Variants in FAAH2 observed in about 807,000 individuals in gnomAD.
FAAH2 encodes fatty-acid amide hydrolase 2.
Under a neutral mutation model 36.9 loss-of-function variants are expected in FAAH2, and 60 were observed. The observed-to-expected ratio is 1.63, with a 90% CI of 1.32 to 2.02. The LOEUF (loss-of-function observed/expected upper bound fraction) is 2.02, where lower values mean the gene tolerates loss of function less well. FAAH2 is among the 30% of genes most tolerant of loss of function. The pLI is 0.00. For synonymous variants in FAAH2, 214 were observed against 143.8 expected (o/e 1.49, Z -3.49); for missense variants, 689 against 397.5 (o/e 1.73, Z -6.23).
At chrX:57,340,623 A>G (rs995905587) in intron 4 of FAAH2, among the ~76,000 whole-genome samples, 1 of 112,082 alleles carries the variant, frequency 8.9e-6, no homozygotes, top group African/African-American at 3.2e-5. Context: ...GAAAAGGAAC[A>G]AGATCATGTC....
chrX:57,366,781 G>A (rs897541540), intron 5 of FAAH2, among the ~76,000 whole-genome samples: 5 of 112,457 alleles, frequency 4.4e-5, no homozygotes, highest in African/African-American at 1.6e-4. Flanking sequence ...CTGTAGCTAG[G>A]CAGGACCCTG....
intron 10 of FAAH2, among the ~76,000 whole-genome samples, chrX:57,477,877 G>C (rs761033297): frequency 8.3e-4 from 93 of 111,756 alleles, no homozygotes; most frequent in African/African-American, 2.9e-3. Context: ...TTTTCTTAAT[G>C]CAGTCTATCA....
the FAAH2 span, chrX:57,135,547 A>G: frequency 2.3e-6 from 1 of 441,502 alleles, no homozygotes; most frequent in Non-Finnish European, 3.7e-6. Flanking sequence ...TTCTAGCTGA[A>G]CTTTATTCAC....
At chrX:57,468,625 G>A (rs1351931094) in intron 10 of FAAH2, among the ~76,000 whole-genome samples, 1 of 112,041 alleles carries the variant, frequency 8.9e-6, no homozygotes, top group Non-Finnish European at 1.9e-5. Context: ...CGTCTGACTG[G>A]TGTACCTGAA....
chrX:57,384,704 G>A (rs1292939933), intron 7 of FAAH2, among the ~76,000 whole-genome samples: 1 of 111,222 alleles, frequency 9.0e-6, no homozygotes, highest in Admixed American at 9.5e-5. Context: ...TGGAGAAATA[G>A]GAACACTTTT....
intron 10 of FAAH2, among the ~76,000 whole-genome samples, chrX:57,453,781 C>A (rs1602717321): frequency 8.9e-6 from 1 of 112,081 alleles, no homozygotes; most frequent in South Asian, 3.8e-4. Context: ...CATCCCACAG[C>A]TCTTAGATGA....
intron 7 of FAAH2, among the ~76,000 whole-genome samples, chrX:57,427,341 T>G (rs1429458303): frequency 9.0e-6 from 1 of 110,925 alleles, no homozygotes; most frequent in South Asian, 3.8e-4. Flanking sequence ...CCAGTCCTAC[T>G]GAAACAATTT....
At chrX:57,399,427 T>A (rs2055380477) in intron 7 of FAAH2, among the ~76,000 whole-genome samples, 1 of 112,126 alleles carries the variant, frequency 8.9e-6, no homozygotes, top group South Asian at 3.7e-4. Flanking sequence ...TGGCTAGCCA[T>A]CCTGAGGGGA....
chrX:57,276,797 C>T, the FAAH2 span, among the ~76,000 whole-genome samples: 3 of 111,657 alleles, frequency 2.7e-5, no homozygotes, highest in African/African-American at 3.3e-5. Flanking sequence ...CTATAAGCAC[C>T]GGTACACAAA....
At chrX:57,203,519 T>C in the FAAH2 span, among the ~76,000 whole-genome samples, 10 of 111,817 alleles carry the variant, frequency 8.9e-5, no homozygotes, top group African/African-American at 2.0e-4. Flanking sequence ...TGAGGACCTG[T>C]TCCCAATATG....
chrX:57,349,298 GATATACATACATACATATATACA>G (rs2053928602), intron 5 of FAAH2, among the ~76,000 whole-genome samples: 1 of 92,894 alleles, frequency 1.1e-5, no homozygotes, highest in African/African-American at 3.9e-5. Flanking sequence ...TATATACACA[GATATACATACATACATATATACA>G]TATATACACA....
At chrX:57,274,448 A>G in the FAAH2 span, among the ~76,000 whole-genome samples, 1 of 112,091 alleles carries the variant, frequency 8.9e-6, no homozygotes, top group Non-Finnish European at 1.9e-5. Context: ...CAGAGACACA[A>G]CAAAAAGAGA....
intron 10 of FAAH2, among the ~76,000 whole-genome samples, chrX:57,482,421 A>G (rs749033938): frequency 6.4e-4 from 71 of 111,659 alleles, no homozygotes; most frequent in African/African-American, 2.2e-3. Context: ...CAGATTGTGA[A>G]AACCATGGGA....
chrX:57,482,472 C>T (rs1290108915), intron 10 of FAAH2, among the ~76,000 whole-genome samples: 1 of 111,122 alleles, frequency 9.0e-6, no homozygotes, highest in African/African-American at 3.3e-5. Context: ...TCCTTCATAG[C>T]TTCCTTTGGC....
intron 10 of FAAH2, among the ~76,000 whole-genome samples, chrX:57,453,298 T>G (rs1397901298): frequency 8.9e-6 from 1 of 112,503 alleles, no homozygotes; most frequent in Non-Finnish European, 1.9e-5. Flanking sequence ...GCATCTAGTT[T>G]TCAACAAAAA....
chrX:57,310,867 T>C (rs1028490475), intron 3 of FAAH2, 138 bp downstream of exon 3: 6 of 651,398 alleles, frequency 9.2e-6, no homozygotes, highest in Non-Finnish European at 4.4e-6. Context: ...AGAGGAAATA[T>C]TCAGCAAGTT....
chrX:57,448,839 G>A (rs2056732806), intron 10 of FAAH2, 121 bp downstream of exon 10: 1 of 678,439 alleles, frequency 1.5e-6, no homozygotes. Flanking sequence ...TAAAAGTGCT[G>A]TGTGATTGAA....
chrX:57,142,783 C>T, the FAAH2 span, among the ~76,000 whole-genome samples: 1 of 111,528 alleles, frequency 9.0e-6, no homozygotes, highest in African/African-American at 3.3e-5. Context: ...TATCTCTGTG[C>T]ACTGGTGCTG....
Position 57,310,424 on chromosome X carries a change from C to T in FAAH2, c.276-169C>T, listed in dbSNP as rs190466826. On this transcript the variant is annotated intron_variant, in intron 2 of 10. Coordinates refer to ENST00000374900, the MANE Select transcript of FAAH2 (RefSeq NM_174912.4). ...TGGATTACTGTTCTTATGATGGATTCCTAAAAGGAGAATCACTGGCTCAAA... is the reference window on the plus strand; with the variant it reads ...TGGATTACTGTTCTTATGATGGATTTCTAAAAGGAGAATCACTGGCTCAAA... 2.7e-5 allele frequency among the ~76,000 whole-genome samples: 3 copies of T among 111,697 alleles called. No homozygotes were observed. In the Admixed American group the frequency reaches 2.9e-4, roughly 11 times the overall value.
Sources: allele counts gnomAD v4.1 joint callset (sites outside exome capture counted in the v4.1 genomes callset), GRCh38; gene constraint gnomAD v4.1.1; transcripts MANE v1.5; gene names NCBI Gene and HGNC (gene_info 2026-07-23, HGNC 2026-07-21).